The following TOP2B variants were observed in gnomAD, a reference collection of about 807,000 sequenced individuals.
The protein encoded by TOP2B is DNA topoisomerase 2-beta.
In TOP2B, 51 loss-of-function variants were observed where a neutral mutation model predicts 193.5. The observed-to-expected ratio is 0.26, with a 90% CI of 0.21 to 0.33. The LOEUF is 0.33. Ranked by LOEUF, TOP2B falls within the 10% of genes least tolerant of loss-of-function variation. The pLI, the probability that TOP2B is intolerant of heterozygous loss-of-function variation, is 1.00. For synonymous variants in TOP2B, 634 were observed against 635.7 expected (o/e 1.00, Z 0.04); for missense variants, 1,378 against 1,909.3 (o/e 0.72, Z 5.19).
intron 1 of TOP2B, among the ~76,000 whole-genome samples, chr3:25,649,988 A>C (rs1390967562): frequency 6.6e-6 from 1 of 152,220 alleles, no homozygotes; most frequent in Non-Finnish European, 1.5e-5. Flanking sequence ...GGGTCTTGGG[A>C]ATTTAACCAT....
At chr3:25,609,546 C>A (rs746755318) in intron 29 of TOP2B, 22 bp downstream of exon 29, 61 of 1,600,320 alleles carry the variant, frequency 3.8e-5, no homozygotes, top group Non-Finnish European at 5.1e-5. Context: ...CACACACATG[C>A]AAAACTATAA....
chr3:25,659,347 A>G (rs1369160967), intron 1 of TOP2B, among the ~76,000 whole-genome samples: 1 of 152,244 alleles, frequency 6.6e-6, no homozygotes, highest in Admixed American at 6.5e-5. Context: ...TTAAGACAGT[A>G]ACAAATGCTT....
intron 1 of TOP2B, among the ~76,000 whole-genome samples, chr3:25,648,776 T>C (rs557913241): frequency 1.3e-5 from 2 of 152,068 alleles, no homozygotes; most frequent in South Asian, 2.1e-4. Flanking sequence ...ACGGGAGGAT[T>C]GCCTGAGCCC....
At chr3:25,634,787 AAAAAAAAAAACC>A (rs1703056040) in intron 7 of TOP2B, among the ~76,000 whole-genome samples, 1 of 138,302 alleles carries the variant, frequency 7.2e-6, no homozygotes, top group Non-Finnish European at 1.5e-5. Context: ...CCAAAAAAAA[AAAAAAAAAAACC>A]AAAAAAAGGC....
chr3:25,620,297 G>C (rs1478710800), intron 22 of TOP2B, among the ~76,000 whole-genome samples: 1 of 151,804 alleles, frequency 6.6e-6, no homozygotes, highest in East Asian at 1.9e-4. Context: ...GCAAGATAAA[G>C]GCTGAGTATG....
intron 1 of TOP2B, among the ~76,000 whole-genome samples, chr3:25,647,571 T>A (rs1450049470): frequency 6.6e-6 from 1 of 151,814 alleles, no homozygotes; most frequent in East Asian, 1.9e-4. Flanking sequence ...CTCATGTCTA[T>A]CTAATTTGTA....
intron 1 of TOP2B, among the ~76,000 whole-genome samples, chr3:25,656,923 C>T (rs1482827286): frequency 1.3e-5 from 2 of 152,292 alleles, no homozygotes; most frequent in Middle Eastern, 6.8e-3. Flanking sequence ...GGTTTCTTTT[C>T]CTAGAGGCAA....
chr3:25,660,380 T>A (rs1409400236), intron 1 of TOP2B, among the ~76,000 whole-genome samples: 1 of 152,190 alleles, frequency 6.6e-6, no homozygotes, highest in Admixed American at 6.5e-5. Flanking sequence ...TTATCATGCA[T>A]GAAAGTTACA....
Position 25,626,582 on chromosome 3 carries a change from T to C in TOP2B, c.2202A>G (p.Arg734=). ...CACCATCAACAAGAGATGGTATAGA[T>C]CTTTCATTGTCTGAGTTTGAGAAGA... The part of the protein sequence containing the change: ...LILFSNSDNE[R]SIPSLVDGFK... The change falls in exon 18 of 36, where the codon AGA becomes AGG. Residue 734 remains arginine (R), a synonymous_variant. Coordinates refer to ENST00000264331, the MANE Select transcript of TOP2B (RefSeq NM_001330700.2). 6.6e-7 allele frequency: 1 copy of C among 1,517,900 alleles called. No individual in the cohort carries two copies. The highest frequency in any genetic ancestry group is 2.4e-5 in the East Asian group (1 of 41,514). The allele number at this position is 1,517,900 out of a possible 1,614,324, so 94.0% of individuals were successfully genotyped here.
intron 1 of TOP2B, among the ~76,000 whole-genome samples, chr3:25,652,249 C>A (rs928706330): frequency 5.9e-5 from 9 of 152,146 alleles, no homozygotes; most frequent in Non-Finnish European, 1.2e-4. Flanking sequence ...AGCCCACTTT[C>A]AGTTATGGAT....
chr3:25,636,286 T>C (rs1379680026), intron 6 of TOP2B, 138 bp from the exon 7 acceptor site: 8 of 618,620 alleles, frequency 1.3e-5, no homozygotes, highest in African/African-American at 9.3e-5. Context: ...AAATCCTTGA[T>C]AATATTACAG....
intron 1 of TOP2B, among the ~76,000 whole-genome samples, chr3:25,656,370 C>A (rs908824759): frequency 6.6e-6 from 1 of 151,938 alleles, no homozygotes; most frequent in East Asian, 1.9e-4. Flanking sequence ...AGTCTGAGAC[C>A]GGAGGATCAA....
intron 27 of TOP2B, among the ~76,000 whole-genome samples, chr3:25,613,888 C>T (rs1702442316): frequency 6.6e-6 from 1 of 152,116 alleles, no homozygotes; most frequent in East Asian, 1.9e-4. Flanking sequence ...GACTTAACCT[C>T]TCCAAGCTTC....
Position 25,630,370 on chromosome 3 carries a change from T to C in TOP2B, c.1505A>G (p.Tyr502Cys). 6.4e-7 allele frequency: 1 copy of C among 1,551,674 alleles called. No homozygotes were observed. Among genetic ancestry groups the C allele is most frequent in the Non-Finnish European group, 8.7e-7 (1 of 1,146,844 alleles). The change falls in exon 12 of 36, where the codon TAC becomes TGC. Residue 502 changes from tyrosine (Y) to cysteine (C), a missense_variant. Transcript: ENST00000264331. ...TTTGCCCCTGAGTGGAAAAACTCCG[T>C]ATCTGTCTCGTCCAATCACACCTAA... ...SGLGVIGRDR[Y>C]GVFPLRGKIL...
chr3:25,621,310 T>G (rs1318553612), intron 21 of TOP2B, among the ~76,000 whole-genome samples: 1 of 152,188 alleles, frequency 6.6e-6, no homozygotes, highest in Non-Finnish European at 1.5e-5. Context: ...TTCATCTACA[T>G]AAATCTTACT....
At chr3:25,641,801 G>A (rs1188438554) in intron 4 of TOP2B, among the ~76,000 whole-genome samples, 1 of 151,928 alleles carries the variant, frequency 6.6e-6, no homozygotes, top group Non-Finnish European at 1.5e-5. Context: ...GTAAAAACAG[G>A]ATAAATTTAA....
At chr3:25,609,153 T>C (rs771261834) in intron 30 of TOP2B, 30 bp downstream of exon 30, 3 of 1,564,068 alleles carry the variant, frequency 1.9e-6, no homozygotes, top group Non-Finnish European at 2.6e-6. Flanking sequence ...TAAACTATAA[T>C]ATACAGTAAT....
At chr3:25,637,180 T>C (rs1187217851) in intron 6 of TOP2B, 35 bp downstream of exon 6, 1 of 1,472,504 alleles carries the variant, frequency 6.8e-7, no homozygotes, top group East Asian at 2.5e-5. Flanking sequence ...TAAAACGTTA[T>C]TTTAAAAAAA....
intron 34 of TOP2B, among the ~76,000 whole-genome samples, chr3:25,599,963 T>C (rs1702049257): frequency 6.6e-6 from 1 of 152,342 alleles, no homozygotes; most frequent in Non-Finnish European, 1.5e-5. Flanking sequence ...AATCACATGC[T>C]GTTTTAGTAA....
Sources: gnomAD v4.1 joint callset for allele counts (sites outside exome capture counted in the v4.1 genomes callset) on GRCh38, gnomAD v4.1.1 for gene constraint, MANE v1.5 for transcripts, NCBI Gene and HGNC (gene_info 2026-07-23, HGNC 2026-07-21) for gene names.